The following PCM1 variants were observed in gnomAD, a reference collection of about 807,000 sequenced individuals.
PCM1 encodes the protein pericentriolar material 1.
A neutral mutation model predicts 241.9 loss-of-function variants in PCM1; 157 were observed. That is an observed-to-expected ratio of 0.65 (90% CI 0.57 to 0.74). PCM1 has a LOEUF of 0.74. PCM1 is among the 30% of genes least tolerant of loss of function. The pLI is 0.00. For missense variants in PCM1, 3,478 were observed against 2,360.1 expected (o/e 1.47, Z -9.81); for synonymous variants, 1,085 against 784.9 (o/e 1.38, Z -6.39).
At position 17,960,002 on chromosome 8, in the gene PCM1, A is replaced by T. The variant is rs777132038; in HGVS notation, c.2041-12A>T. On this transcript the variant is annotated splice_polypyrimidine_tract_variant and intron_variant, in intron 13 of 38. Transcript: ENST00000325083. ...GTATCAAGATTGTTTTAATGTAATG[A>T]TGCTCTTTCAGGATGATGATGCAGC... 1.9e-6 allele frequency: 3 copies of T among 1,611,022 alleles called. No homozygotes were observed. The highest frequency in any genetic ancestry group is 2.5e-6 in the Non-Finnish European group (3 of 1,178,436).
chr8:17,996,442 T>A (rs1221253038), intron 29 of PCM1, among the ~76,000 whole-genome samples: 1 of 152,206 alleles, frequency 6.6e-6, no homozygotes, highest in African/African-American at 2.4e-5. Flanking sequence ...AGGTATCGGT[T>A]GTAATGTCTC....
chr8:17,935,256 C>T (rs2060096546), intron 2 of PCM1, among the ~76,000 whole-genome samples: 1 of 152,212 alleles, frequency 6.6e-6, no homozygotes, highest in African/African-American at 2.4e-5. Flanking sequence ...AGTTCTGGGT[C>T]TAGCTGTTTA....
intron 28 of PCM1, among the ~76,000 whole-genome samples, chr8:17,992,657 C>T (rs1403231464): frequency 2.0e-5 from 3 of 147,142 alleles, no homozygotes; most frequent in Non-Finnish European, 4.5e-5. Context: ...TGCTCTGTTG[C>T]CCAGGCTGCA....
In PCM1 at chr8:18,007,124, A is replaced by G. The variant is rs1247804866; in HGVS notation, c.4962+727A>G. ...CCATATGACAAACATCTTTACCTTT[A>G]TATTTACCTGAATGTTTTTCCATTG... On this transcript the variant is annotated intron_variant, in intron 30 of 38. Transcript: ENST00000325083. Among the ~76,000 whole-genome samples the G allele has an allele frequency of 2.0e-5, 3 of 152,158 alleles. No homozygotes were observed. In the East Asian group the frequency reaches 5.8e-4, roughly 29 times the overall value.
intron 27 of PCM1, 143 bp downstream of exon 27, chr8:17,990,122 A>G (rs1016815473): frequency 3.3e-6 from 2 of 599,304 alleles, no homozygotes; most frequent in Non-Finnish European, 5.3e-6. Flanking sequence ...TATCAGTCTA[A>G]AATCAAGAAT....
chr8:17,990,126 C>G (rs2084029497), intron 27 of PCM1, 147 bp downstream of exon 27: 1 of 581,970 alleles, frequency 1.7e-6, no homozygotes, highest in Non-Finnish European at 2.7e-6. Context: ...AGTCTAAAAT[C>G]AAGAATCTTC....
chr8:17,987,347 C>T (rs148340435), intron 26 of PCM1, among the ~76,000 whole-genome samples: 63 of 151,862 alleles, frequency 4.1e-4, no homozygotes, highest in African/African-American at 1.5e-3. Flanking sequence ...CATTCCTAGA[C>T]GTATTTTTCA....
intron 34 of PCM1, 62 bp from the exon 35 acceptor site, chr8:18,013,902 T>C: frequency 1.1e-6 from 1 of 938,494 alleles, no homozygotes. Context: ...ACACTAGTAA[T>C]CATCTCTTTT....
Position 18,014,163 on chromosome 8 carries a change from G to C in PCM1, c.5584+127G>C, listed in dbSNP as rs953780129. On this transcript the variant is annotated intron_variant, in intron 35 of 38. Transcript: ENST00000325083. ...AGTTTGAAAGTACTTTGGACCTGATGTATGTTTTTCTTCTCCCTATAAATC... is the reference window on the plus strand; with the variant it reads ...AGTTTGAAAGTACTTTGGACCTGATCTATGTTTTTCTTCTCCCTATAAATC... 4.9e-6 allele frequency: 3 copies of C among 615,142 alleles called. No homozygotes were observed. In the African/African-American group the frequency reaches 5.8e-5, roughly 12 times the overall value. 38.1% of individuals were successfully genotyped at this position (615,142 alleles called of 1,614,324 possible).
chr8:17,969,837 G>A, intron 22 of PCM1, 89 bp downstream of exon 22: 1 of 981,364 alleles, frequency 1.0e-6, no homozygotes. Flanking sequence ...CAACTAGGGA[G>A]GACGTTTGTG....
At chr8:17,987,470 G>C (rs2082999816) in intron 26 of PCM1, among the ~76,000 whole-genome samples, 1 of 151,762 alleles carries the variant, frequency 6.6e-6, no homozygotes, top group South Asian at 2.1e-4. Context: ...ACCATCGATA[G>C]CACATTTTGA....
At chr8:17,951,228 C>G (rs2065899869) in intron 8 of PCM1, among the ~76,000 whole-genome samples, 1 of 152,140 alleles carries the variant, frequency 6.6e-6, no homozygotes, top group Non-Finnish European at 1.5e-5. Flanking sequence ...GATATAAATG[C>G]AGATTTTCAA....
chr8:17,967,380 C>T (rs879285108), intron 21 of PCM1, among the ~76,000 whole-genome samples: 6 of 151,294 alleles, frequency 4.0e-5, no homozygotes, highest in Admixed American at 4.0e-4. Context: ...ATGATCTTGG[C>T]TCACGGCAGC....
At chr8:18,009,882 A>T (rs1322334547) in intron 31 of PCM1, 138 bp downstream of exon 31, 1 of 502,204 alleles carries the variant, frequency 2.0e-6, no homozygotes, top group Non-Finnish European at 3.3e-6. Flanking sequence ...ATTATAAGTC[A>T]TTACATATGC....
At chr8:17,960,960 C>T (rs551478446) in intron 15 of PCM1, among the ~76,000 whole-genome samples, 5 of 152,110 alleles carry the variant, frequency 3.3e-5, no homozygotes, top group African/African-American at 1.2e-4. Flanking sequence ...TTCATTCTTA[C>T]TGGGCTGGCT....
intron 2 of PCM1, chr8:17,926,035 G>T (rs1463174174): frequency 6.6e-6 from 1 of 151,400 alleles, no homozygotes; most frequent in Non-Finnish European, 1.5e-5. Flanking sequence ...AACAAAACAG[G>T]GCAAGAAAAA....
chr8:17,978,319 A>G (rs2079477422), intron 23 of PCM1, among the ~76,000 whole-genome samples: 1 of 152,106 alleles, frequency 6.6e-6, no homozygotes, highest in African/African-American at 2.4e-5. Context: ...ATAACTAAAT[A>G]ATAGATGGGA....
At position 17,985,726 on chromosome 8, in the gene PCM1, T is replaced by G. The variant is rs975920745; in HGVS notation, c.4281+107T>G. The G allele has an allele frequency of 4.6e-5, 41 of 900,410 alleles. No homozygotes were observed. The Middle Eastern group carries it at 6.8e-4, about 15-fold the overall frequency. 55.8% of individuals were successfully genotyped at this position (900,410 alleles called of 1,614,324 possible). A position where few individuals can be genotyped will look rare whatever the true frequency, so the allele number is the denominator to read the frequency against. ...CATGTGCCATATGAATTTTCATCTG[T>G]TCTCTATGTGCTTTCTTGACATTTT... On this transcript the variant is annotated intron_variant, in intron 25 of 38. Transcript: ENST00000325083.
Position 17,959,916 on chromosome 8 carries a change from T to C in PCM1, c.2041-98T>C, listed in dbSNP as rs188581847. 5.7e-4 allele frequency: 656 copies of C among 1,158,212 alleles called. 2 individuals carry two copies. Among genetic ancestry groups the C allele is most frequent in the Non-Finnish European group, 4.0e-5 (33 of 815,998 alleles). 71.7% of individuals were successfully genotyped at this position (1,158,212 alleles called of 1,614,324 possible). Reference sequence around the variant, plus strand: ...GTGCTTTCTTTACTGCTTTAATCTTTTTATGTAAATTTTACAGACTAGTGG... The same window carrying C: ...GTGCTTTCTTTACTGCTTTAATCTTCTTATGTAAATTTTACAGACTAGTGG... On this transcript the variant is annotated intron_variant, in intron 13 of 38. Coordinates refer to ENST00000325083, the MANE Select transcript of PCM1 (RefSeq NM_006197.4).
Sources: gnomAD v4.1 joint callset for allele counts (sites outside exome capture counted in the v4.1 genomes callset) on GRCh38, gnomAD v4.1.1 for gene constraint, MANE v1.5 for transcripts, NCBI Gene and HGNC (gene_info 2026-07-23, HGNC 2026-07-21) for gene names.